The following CEPT1 variants were observed in gnomAD, a reference collection of about 807,000 sequenced individuals.
CEPT1 encodes the protein choline/ethanolaminephosphotransferase 1.
Under a neutral mutation model 42.6 loss-of-function variants are expected in CEPT1, and 7 were observed. The observed-to-expected ratio is 0.16, with a 90% confidence interval of 0.09 to 0.31. The LOEUF is 0.31. CEPT1 is among the 10% of genes least tolerant of loss of function. The pLI is 1.00. For missense variants in CEPT1, 306 were observed against 502.1 expected (o/e 0.61, Z 3.73); for synonymous variants, 171 against 171.9 (o/e 0.99, Z 0.04).
chr1:111,159,999 A>G (rs1655785858), intron 3 of CEPT1: 1 of 152,486 alleles, frequency 6.6e-6, no homozygotes, highest in South Asian at 2.1e-4. Context: ...GAAATTTGCT[A>G]AGAGAGTACA....
At position 111,144,079 on chromosome 1, in the gene CEPT1, A is replaced by G. The variant is rs76132029; in HGVS notation, c.-73-3563A>G. 6.4e-3 allele frequency among the ~76,000 whole-genome samples: 977 copies of G among 152,216 alleles called. 12 individuals are homozygous for G. The highest frequency in any genetic ancestry group is 0.021 in the African/African-American group (874 of 41,522). On this transcript the variant is annotated intron_variant, in intron 1 of 8. Transcript: ENST00000357172. ...CCTCCTTTCTGTATTCCCACCCCAC[A>G]TCCATTTTTCCTTTCTCGCCACATT... is the stretch of plus-strand genomic sequence containing the variant.
chr1:111,160,745 T>TA (rs111251108), intron 3 of CEPT1: 664 of 159,382 alleles, frequency 4.2e-3, no homozygotes, highest in South Asian at 0.015. Flanking sequence ...AATATCTGTT[T>TA]AAAAAAAAAA....
intron 5 of CEPT1, 103 bp downstream of exon 5, chr1:111,175,066 T>C (rs961996603): frequency 1.3e-5 from 10 of 775,292 alleles, no homozygotes; most frequent in Admixed American, 2.1e-5. Context: ...TGAAATTCTT[T>C]TATTTTTTTC....
intron 7 of CEPT1, 73 bp downstream of exon 7, chr1:111,183,030 T>G (rs1657067614): frequency 7.1e-7 from 1 of 1,416,336 alleles, no homozygotes; most frequent in African/African-American, 1.4e-5. Context: ...ATAGTTCTCA[T>G]TCTGTAGCTT....
At chr1:111,171,764 G>C (rs1003893641) in intron 4 of CEPT1, among the ~76,000 whole-genome samples, 1 of 152,164 alleles carries the variant, frequency 6.6e-6, no homozygotes, top group Non-Finnish European at 1.5e-5. Flanking sequence ...TTGAGACAGA[G>C]TTTTGCTCTT....
chr1:111,167,699 AT>A, intron 4 of CEPT1: 20 of 984,066 alleles, frequency 2.0e-5, no homozygotes, highest in Non-Finnish European at 2.3e-5. Flanking sequence ...TATAATATTT[AT>A]GCTGGAAGCT....
chr1:111,140,184 C>G (rs887568876), upstream of CEPT1: 7 of 152,388 alleles, frequency 4.6e-5, no homozygotes, highest in African/African-American at 1.4e-4. Context: ...CGGCGCTGCT[C>G]GTTCAAACCT....
intron 4 of CEPT1, among the ~76,000 whole-genome samples, chr1:111,165,812 T>C (rs1305611291): frequency 6.6e-6 from 1 of 152,236 alleles, no homozygotes; most frequent in African/African-American, 2.4e-5. Context: ...CTCTTTCTTT[T>C]CTATAGTTAA....
chr1:111,158,361 TAAA>T (rs1655683379), intron 2 of CEPT1, among the ~76,000 whole-genome samples: 5 of 151,946 alleles, frequency 3.3e-5, no homozygotes, highest in African/African-American at 1.2e-4. Context: ...CTCAAATAAA[TAAA>T]TAAATTAATT....
chr1:111,164,394 C>T lies in CEPT1; in HGVS notation c.629+3098C>T, dbSNP rs539505129. Among the ~76,000 whole-genome samples, 3 of 152,174 alleles carry T rather than the reference C, an allele frequency of 2.0e-5. No homozygotes were observed. In the East Asian group the frequency reaches 5.8e-4, roughly 29 times the overall value. On this transcript the variant is annotated intron_variant, in intron 4 of 8. Transcript: ENST00000357172. The stretch of plus-strand genomic sequence containing the variant: ...TAGAGATCTGACAGAGATGACTAGC[C>T]TGGATAGGAAAGACTGGGGAGGAAA...
intron 2 of CEPT1, among the ~76,000 whole-genome samples, chr1:111,149,479 T>C (rs1655155150): frequency 6.6e-6 from 1 of 152,142 alleles, no homozygotes; most frequent in Admixed American, 6.5e-5. Flanking sequence ...GTCAGGCTGC[T>C]CTGGAATTCC....
At chr1:111,145,402 TTGACTATAA>T (rs1381537396) in intron 1 of CEPT1, among the ~76,000 whole-genome samples, 66 of 152,360 alleles carry the variant, frequency 4.3e-4, no homozygotes, top group African/African-American at 1.5e-3. Context: ...GGGCATTAAC[TTGACTATAA>T]TGACTATTTT....
chr1:111,182,061 ATTACT>A (rs1657020335), intron 5 of CEPT1, 121 bp from the exon 6 acceptor site: 2 of 620,664 alleles, frequency 3.2e-6, no homozygotes, highest in East Asian at 3.2e-5. Flanking sequence ...GGACACTTTC[ATTACT>A]TTACGTATTT....
At chr1:111,164,600 A>G (rs1023749230) in intron 4 of CEPT1, among the ~76,000 whole-genome samples, 9 of 144,288 alleles carry the variant, frequency 6.2e-5, no homozygotes, top group Non-Finnish European at 1.4e-4. Context: ...TATCTATATT[A>G]GGATTTTTTT....
Position 111,161,056 on chromosome 1 carries a change from G to A in CEPT1, c.488-99G>A, listed in dbSNP as rs898692117. 6 of 1,164,210 alleles carry A rather than the reference G, an allele frequency of 5.2e-6. No homozygotes were observed. In the African/African-American group the frequency reaches 7.6e-5, roughly 15 times the overall value. The allele number at this position is 1,164,210 out of a possible 1,614,324, so 72.1% of individuals were successfully genotyped here. On this transcript the variant is annotated intron_variant, in intron 3 of 8. Transcript: ENST00000357172. ...CAATAGATAACTGAGAGAAGATTATGCATTTACAGCATATCTTTTTGTCTC... is the reference window on the plus strand; with the variant it reads ...CAATAGATAACTGAGAGAAGATTATACATTTACAGCATATCTTTTTGTCTC...
intron 2 of CEPT1, among the ~76,000 whole-genome samples, chr1:111,152,058 G>A (rs1004702819): frequency 2.6e-5 from 4 of 152,130 alleles, no homozygotes; most frequent in African/African-American, 4.8e-5. Context: ...GGAAGTTGGT[G>A]TTAACCTGTA....
chr1:111,164,538 C>T (rs1191746897), intron 4 of CEPT1, among the ~76,000 whole-genome samples: 1 of 152,146 alleles, frequency 6.6e-6, no homozygotes, highest in Non-Finnish European at 1.5e-5. Flanking sequence ...TACTGAATAT[C>T]TCCCATTATA....
chr1:111,155,497 T>A (rs1655513551), intron 2 of CEPT1, among the ~76,000 whole-genome samples: 1 of 151,832 alleles, frequency 6.6e-6, no homozygotes, highest in African/African-American at 2.4e-5. Flanking sequence ...GCCATGTGTG[T>A]CATATATGTA....
At chr1:111,155,505 G>A (rs1217454160) in intron 2 of CEPT1, among the ~76,000 whole-genome samples, 1 of 151,290 alleles carries the variant, frequency 6.6e-6, no homozygotes, top group Non-Finnish European at 1.5e-5. Context: ...TGTCATATAT[G>A]TATATATACA....
Sources: gnomAD v4.1 joint callset for allele counts (sites outside exome capture counted in the v4.1 genomes callset) on GRCh38, gnomAD v4.1.1 for gene constraint, MANE v1.5 for transcripts, NCBI Gene and HGNC (gene_info 2026-07-23, HGNC 2026-07-21) for gene names.